The following TMEM117 variants were observed in gnomAD, a reference collection of about 807,000 sequenced individuals.
The protein encoded by TMEM117 is transmembrane protein 117.
Under a neutral mutation model 52.4 loss-of-function variants are expected in TMEM117, and 27 were observed. The ratio of observed to expected loss-of-function variants is 0.51; its 90% CI spans 0.38 to 0.71. The LOEUF is 0.71. Ranked by LOEUF, TMEM117 falls within the 30% of genes least tolerant of loss-of-function variation. The probability of loss-of-function intolerance (pLI) is 0.00; values close to 1 mark genes in which losing one functional copy is unlikely to be tolerated. For missense variants in TMEM117, 556 were observed against 630.5 expected, an observed-to-expected ratio of 0.88 and a Z score of 1.26; for synonymous variants, 215 against 206.3, an observed-to-expected ratio of 1.04 and a Z score of -0.36.
intron 4 of TMEM117, among the ~76,000 whole-genome samples, chr12:44,177,953 C>T (rs1458465774): frequency 6.6e-6 from 1 of 152,150 alleles, no homozygotes; most frequent in Non-Finnish European, 1.5e-5. Context: ...ATTGTTCCAA[C>T]TGTTGAAGTT....
chr12:43,951,303 C>G (rs567975554), intron 3 of TMEM117, among the ~76,000 whole-genome samples: 2 of 152,310 alleles, frequency 1.3e-5, no homozygotes, highest in South Asian at 2.1e-4. Flanking sequence ...AGCGTCCACT[C>G]CTTTGGAAAA....
At chr12:44,101,243 C>T (rs1947856170) in intron 3 of TMEM117, among the ~76,000 whole-genome samples, 2 of 151,446 alleles carry the variant, frequency 1.3e-5, no homozygotes, top group South Asian at 2.1e-4. Context: ...TACATATGTT[C>T]AACATAATCC....
intron 2 of TMEM117, among the ~76,000 whole-genome samples, chr12:43,849,491 C>T (rs1050284987): frequency 1.3e-5 from 2 of 152,186 alleles, no homozygotes; most frequent in Non-Finnish European, 2.9e-5. Flanking sequence ...ATCTCTTATA[C>T]TAAAATCACA....
the TMEM117 span, chr12:43,805,909 T>C: frequency 9.4e-6 from 14 of 1,489,964 alleles, no homozygotes; most frequent in South Asian, 6.7e-5. Flanking sequence ...AGGGGGAAAG[T>C]TGGGCGACTG....
chr12:44,097,622 A>G (rs1037188110), intron 3 of TMEM117, among the ~76,000 whole-genome samples: 1 of 150,946 alleles, frequency 6.6e-6, no homozygotes, highest in African/African-American at 2.4e-5. Flanking sequence ...AGGACAAAAA[A>G]CCAAACACCG....
chr12:44,341,450 T>G (rs1394800703), intron 6 of TMEM117, among the ~76,000 whole-genome samples: 1 of 152,176 alleles, frequency 6.6e-6, no homozygotes, highest in African/African-American at 2.4e-5. Flanking sequence ...ATGATTTCAT[T>G]CTTTTCTATG....
intron 6 of TMEM117, among the ~76,000 whole-genome samples, chr12:44,316,935 T>C (rs926150686): frequency 6.6e-6 from 1 of 151,884 alleles, no homozygotes; most frequent in African/African-American, 2.4e-5. Context: ...CTCTGACTGA[T>C]TTTCTTTAAA....
chr12:43,978,474 C>T (rs1237746943), intron 3 of TMEM117, among the ~76,000 whole-genome samples: 2 of 151,976 alleles, frequency 1.3e-5, no homozygotes, highest in Non-Finnish European at 2.9e-5. Context: ...AAGTCCAGAA[C>T]GAGTGAGGGA....
chr12:44,241,634 C>T (rs987739927), intron 5 of TMEM117, among the ~76,000 whole-genome samples: 1 of 151,608 alleles, frequency 6.6e-6, no homozygotes, highest in Non-Finnish European at 1.5e-5. Context: ...AGTTTTGTGC[C>T]TTTATTTTTG....
intron 5 of TMEM117, among the ~76,000 whole-genome samples, chr12:44,273,332 T>C (rs1301755014): frequency 3.3e-5 from 5 of 151,906 alleles, no homozygotes; most frequent in Non-Finnish European, 7.4e-5. Context: ...AACCTGCATG[T>C]TGTGCACATG....
intron 3 of TMEM117, among the ~76,000 whole-genome samples, chr12:44,138,654 A>G (rs1448454917): frequency 1.3e-5 from 2 of 152,164 alleles, no homozygotes; most frequent in South Asian, 2.1e-4. Context: ...TGCAATTTTA[A>G]TCATTACAGG....
intron 3 of TMEM117, among the ~76,000 whole-genome samples, chr12:43,982,265 C>T (rs939298153): frequency 2.6e-5 from 4 of 151,972 alleles, no homozygotes; most frequent in African/African-American, 4.8e-5. Flanking sequence ...ATAGTTTCCC[C>T]GAGGAATACA....
At chr12:43,836,468 G>A (rs772228720) in intron 1 of TMEM117, among the ~76,000 whole-genome samples, 29 of 152,200 alleles carry the variant, frequency 1.9e-4, no homozygotes, top group African/African-American at 6.5e-4. Flanking sequence ...GGAGACTCCC[G>A]GGCGAAAGGC....
At chr12:43,939,700 C>T (rs1945012727) in intron 2 of TMEM117, among the ~76,000 whole-genome samples, 1 of 152,204 alleles carries the variant, frequency 6.6e-6, no homozygotes, top group Admixed American at 6.5e-5. Context: ...GCTGCCCTAA[C>T]TGGCACCATT....
intron 6 of TMEM117, among the ~76,000 whole-genome samples, chr12:44,338,084 T>TTTTTTTTTTTGAGACGG (rs1565730480): frequency 6.6e-6 from 1 of 152,218 alleles, no homozygotes; most frequent in African/African-American, 2.4e-5. Context: ...GAAGTATTTT[T>TTTTTTTTTTTGAGACGG]AAAGGTTCAT....
chr12:44,058,929 T>A (rs1947097819), intron 3 of TMEM117, among the ~76,000 whole-genome samples: 1 of 152,212 alleles, frequency 6.6e-6, no homozygotes, highest in Non-Finnish European at 1.5e-5. Context: ...GGGACCGGTT[T>A]TATGGAAGAC....
chr12:44,259,939 A>G lies in TMEM117; in HGVS notation c.609-39641A>G, dbSNP rs148798873. Among the ~76,000 whole-genome samples the G allele has an allele frequency of 3.6e-3, 543 of 152,296 alleles. 19 individuals carry two copies. The highest frequency in any genetic ancestry group is 0.031 in the Admixed American group (467 of 15,288). ...TAAGAACCAATCGTTTCTTATTTTA[A>G]AAACCGCCATGAAAAATTTTGGAGA... On this transcript the variant is annotated intron_variant, in intron 5 of 7. Coordinates refer to ENST00000266534, the MANE Select transcript of TMEM117 (RefSeq NM_032256.3).
At chr12:44,003,882 A>G (rs999737118) in intron 3 of TMEM117, among the ~76,000 whole-genome samples, 1 of 152,170 alleles carries the variant, frequency 6.6e-6, no homozygotes, top group African/African-American at 2.4e-5. Context: ...CAGGATGCAT[A>G]GGCAATGTGG....
chr12:43,939,643 G>T (rs1464111331), intron 2 of TMEM117, among the ~76,000 whole-genome samples: 1 of 152,122 alleles, frequency 6.6e-6, no homozygotes, highest in Non-Finnish European at 1.5e-5. Flanking sequence ...TCAGACTAAG[G>T]TGCCTGGGAT....
Sources: allele counts gnomAD v4.1 joint callset (sites outside exome capture counted in the v4.1 genomes callset), GRCh38; gene constraint gnomAD v4.1.1; transcripts MANE v1.5; gene names NCBI Gene and HGNC (gene_info 2026-07-23, HGNC 2026-07-21).